Variants in NTRK2 observed in about 807,000 individuals in gnomAD.
NTRK2 encodes the protein BDNF/NT-3 growth factors receptor.
NTRK2 carries 13 observed loss-of-function variants against 94.5 expected under a neutral mutation model. The observed-to-expected ratio is 0.14, with a 90% CI of 0.09 to 0.22. The LOEUF is 0.22. NTRK2 is among the 10% of genes least tolerant of loss of function. The probability of loss-of-function intolerance (pLI) is 1.00; values close to 1 mark genes in which losing one functional copy is unlikely to be tolerated. For missense variants in NTRK2, 639 were observed against 1,071.2 expected (o/e 0.60, Z 5.63); for synonymous variants, 372 against 407.4 (o/e 0.91, Z 1.05).
intron 14 of NTRK2, among the ~76,000 whole-genome samples, chr9:84,909,670 C>G (rs2077180712): frequency 6.6e-6 from 1 of 151,904 alleles, no homozygotes; most frequent in Non-Finnish European, 1.5e-5. Context: ...CCCTGCATTT[C>G]CCTCATCTAA....
At chr9:84,739,160 C>T (rs1488620669) in intron 9 of NTRK2, among the ~76,000 whole-genome samples, 1 of 152,162 alleles carries the variant, frequency 6.6e-6, no homozygotes, top group Non-Finnish European at 1.5e-5. Flanking sequence ...AAGCGATTCT[C>T]GTGCCTCAGC....
At chr9:84,726,967 C>A (rs2062507938) in intron 8 of NTRK2, among the ~76,000 whole-genome samples, 1 of 152,146 alleles carries the variant, frequency 6.6e-6, no homozygotes, top group African/African-American at 2.4e-5. Context: ...TCTGTCCAGG[C>A]TTAGATTGGA....
chr9:84,867,338 C>T lies in NTRK2; in HGVS notation c.1540C>T (p.Pro514Ser), dbSNP rs2132058839. ...CACTCCATCTTCTTCGGAAGGTGGCCCAGATGCTGTCATTATTGGAATGAC... is the reference window on the plus strand; with the variant it reads ...CACTCCATCTTCTTCGGAAGGTGGCTCAGATGCTGTCATTATTGGAATGAC... ...SNTPSSSEGG[P>S]DAVIIGMTKI... is the part of the protein sequence containing the mutation. The change falls in exon 14 of 19, where the codon CCA (proline) becomes TCA (serine). Residue 514 changes from proline to serine, a missense_variant. Around this residue, in one of 5 missense-constraint regions of NTRK2, gnomAD observed 343 missense variants for 571.5 expected, o/e 0.60. Coordinates refer to ENST00000277120, the MANE Select transcript of NTRK2 (RefSeq NM_006180.6). 6.2e-7 allele frequency: 1 copy of T among 1,613,938 alleles called. No homozygotes were observed. Among genetic ancestry groups the T allele is most frequent in the Middle Eastern group, 1.7e-4 (1 of 6,058 alleles).
intron 18 of NTRK2, 136 bp downstream of exon 18, chr9:85,020,500 A>T (rs2117963329): frequency 1.2e-6 from 1 of 861,982 alleles, no homozygotes; most frequent in East Asian, 2.5e-5. Flanking sequence ...GCACTTCCCA[A>T]GTAGCCTGCT....
intron 14 of NTRK2, among the ~76,000 whole-genome samples, chr9:84,914,481 G>C (rs1477568782): frequency 6.6e-6 from 1 of 152,106 alleles, no homozygotes; most frequent in Non-Finnish European, 1.5e-5. Flanking sequence ...GGTTTCCTCT[G>C]ACAGCACTCC....
chr9:84,930,514 C>T (rs1032593790), intron 14 of NTRK2, among the ~76,000 whole-genome samples: 30 of 152,018 alleles, frequency 2.0e-4, no homozygotes, highest in African/African-American at 7.3e-4. Context: ...GTGTGTAAGC[C>T]CTGAAGTACC....
intron 12 of NTRK2, chr9:84,815,480 G>A (rs202141296): frequency 1.9e-6 from 2 of 1,033,534 alleles, no homozygotes; most frequent in Non-Finnish European, 2.3e-6. Context: ...ACCATTTGCT[G>A]TAATCCAGAG....
At chr9:84,976,725 C>T (rs1306700492) in intron 17 of NTRK2, among the ~76,000 whole-genome samples, 1 of 150,718 alleles carries the variant, frequency 6.6e-6, no homozygotes. Context: ...GCCCTGATCC[C>T]ACAAAAAAAA....
intron 6 of NTRK2, among the ~76,000 whole-genome samples, chr9:84,720,759 A>G (rs1251778927): frequency 6.6e-6 from 1 of 152,194 alleles, no homozygotes; most frequent in African/African-American, 2.4e-5. Context: ...ATCGTAAGAG[A>G]CATTGCATCC....
intron 12 of NTRK2, among the ~76,000 whole-genome samples, chr9:84,794,454 G>A (rs1385938123): frequency 6.6e-6 from 1 of 152,156 alleles, no homozygotes; most frequent in Non-Finnish European, 1.5e-5. Flanking sequence ...AAACCCCAGT[G>A]TAATGCAATA....
At chr9:84,833,347 C>T (rs191570947) in intron 12 of NTRK2, among the ~76,000 whole-genome samples, 35 of 151,944 alleles carry the variant, frequency 2.3e-4, no homozygotes, top group African/African-American at 8.0e-4. Context: ...TTTAAAATAC[C>T]TTAGGTGATT....
intron 15 of NTRK2, among the ~76,000 whole-genome samples, chr9:84,945,156 T>C (rs1280706892): frequency 6.6e-6 from 1 of 152,206 alleles, no homozygotes; most frequent in Non-Finnish European, 1.5e-5. Flanking sequence ...TCCTTTCACT[T>C]GGTTTCTTTT....
At chr9:84,952,705 A>G (rs565990945) in intron 16 of NTRK2, among the ~76,000 whole-genome samples, 1 of 152,326 alleles carries the variant, frequency 6.6e-6, no homozygotes, top group Non-Finnish European at 1.5e-5. Context: ...AAATACCCAG[A>G]TATAAACAGG....
chr9:84,855,897 A>G (rs1445392795), intron 12 of NTRK2, among the ~76,000 whole-genome samples: 1 of 152,198 alleles, frequency 6.6e-6, no homozygotes, highest in Non-Finnish European at 1.5e-5. Flanking sequence ...ACACAGAGGA[A>G]GTCTTAATAG....
intron 12 of NTRK2, among the ~76,000 whole-genome samples, chr9:84,782,446 G>A (rs373487746): frequency 1.5e-4 from 23 of 152,138 alleles, no homozygotes; most frequent in Non-Finnish European, 2.8e-4. Context: ...CCTCTGCCCC[G>A]TCATACCTAG....
chr9:84,732,796 C>T (rs1380179480), intron 9 of NTRK2, among the ~76,000 whole-genome samples: 1 of 152,164 alleles, frequency 6.6e-6, no homozygotes, highest in African/African-American at 2.4e-5. Flanking sequence ...TGGGAATGTT[C>T]AATGCTGATG....
chr9:84,924,478 A>G (rs1010078380), intron 14 of NTRK2, among the ~76,000 whole-genome samples: 6 of 152,156 alleles, frequency 3.9e-5, no homozygotes, highest in Non-Finnish European at 8.8e-5. Context: ...TGAAAATACA[A>G]ACATTGCCGG....
At chr9:84,914,498 G>A (rs1348945798) in intron 14 of NTRK2, among the ~76,000 whole-genome samples, 2 of 152,136 alleles carry the variant, frequency 1.3e-5, no homozygotes, top group African/African-American at 4.8e-5. Flanking sequence ...CTCCACCAGG[G>A]GAAAGGGGGA....
rs1825593111 is a variant in NTRK2 at position 84,966,663 on chromosome 9, C to G, written c.2172+11146C>G. Among the ~76,000 whole-genome samples, 3 of 152,088 alleles carry G rather than the reference C, an allele frequency of 2.0e-5. No homozygotes were observed. The South Asian group carries it at 6.2e-4, about 32-fold the overall frequency. On this transcript the variant is annotated intron_variant, in intron 17 of 18. Coordinates refer to ENST00000277120, the MANE Select transcript of NTRK2 (RefSeq NM_006180.6). The stretch of plus-strand genomic sequence containing the variant: ...GGCCAGGCTGGTCTCGAACTCCTGG[C>G]CTTATGATCTGCCCCACTCAGCCTC...
Sources: gnomAD v4.1 joint callset for allele counts (sites outside exome capture counted in the v4.1 genomes callset) on GRCh38, gnomAD v4.1.1 for gene constraint, gnomAD v4.1.1 regional missense constraint, MANE v1.5 for transcripts, NCBI Gene and HGNC (gene_info 2026-07-23, HGNC 2026-07-21) for gene names.